Variants in ARID1B observed in about 807,000 individuals in gnomAD.
The protein encoded by ARID1B is AT-rich interaction domain 1B, also known as AT-rich interactive domain-containing protein 1B.
In ARID1B, 30 loss-of-function variants were observed where a neutral mutation model predicts 212.3. That is an observed-to-expected ratio of 0.14 (90% CI 0.11 to 0.19). The LOEUF is 0.19. Ranked by LOEUF, ARID1B falls within the 10% of genes least tolerant of loss-of-function variation. ARID1B has a pLI of 1.00. For synonymous variants in ARID1B, 1,402 were observed against 1,301.7 expected (o/e 1.08, Z -1.66); for missense variants, 2,891 against 3,204.0 (o/e 0.90, Z 2.36).
intron 3 of ARID1B, among the ~76,000 whole-genome samples, chr6:156,911,515 A>T (rs1051977735): frequency 2.0e-5 from 3 of 152,034 alleles, no homozygotes; most frequent in African/African-American, 7.3e-5. Context: ...TGTCCTTGTG[A>T]CAACTAACTA....
chr6:157,089,651 C>G (rs1336093381), intron 5 of ARID1B, among the ~76,000 whole-genome samples: 1 of 152,180 alleles, frequency 6.6e-6, no homozygotes, highest in Non-Finnish European at 1.5e-5. Context: ...ACGCTGTACT[C>G]TCCCTCCAGT....
chr6:157,020,376 A>C lies in ARID1B; in HGVS notation c.2248-64286A>C, dbSNP rs375440616. Reference sequence around the variant, plus strand: ...TAAACATGTCTCAAAACCAAAAACCAGTCCATGGGCAGATCTTTTTATTGC... The same window carrying C: ...TAAACATGTCTCAAAACCAAAAACCCGTCCATGGGCAGATCTTTTTATTGC... On this transcript the variant is annotated intron_variant, in intron 4 of 19. Transcript: ENST00000636930. Among the ~76,000 whole-genome samples the C allele has an allele frequency of 1.8e-4, 27 of 152,364 alleles. No homozygotes were observed. In the South Asian group the frequency reaches 5.6e-3, roughly 32 times the overall value.
intron 2 of ARID1B, among the ~76,000 whole-genome samples, chr6:156,835,932 G>A (rs992305170): frequency 2.2e-4 from 4 of 18,334 alleles, no homozygotes; most frequent in African/African-American, 9.0e-4. Flanking sequence ...TTGTAGAGAC[G>A]TCTCACCATG....
At chr6:157,008,112 TCCTC>T (rs1779356150) in intron 4 of ARID1B, among the ~76,000 whole-genome samples, 1 of 151,812 alleles carries the variant, frequency 6.6e-6, no homozygotes, top group Non-Finnish European at 1.5e-5. Context: ...TTCCCTCTCT[TCCTC>T]CTTCCTTCCC....
chr6:157,025,662 C>T (rs1281422524), intron 4 of ARID1B, among the ~76,000 whole-genome samples: 2 of 152,156 alleles, frequency 1.3e-5, no homozygotes, highest in Non-Finnish European at 2.9e-5. Flanking sequence ...ATTGGTGAGT[C>T]GTTTTCCATT....
intron 4 of ARID1B, among the ~76,000 whole-genome samples, chr6:156,978,178 C>T (rs1777381984): frequency 6.6e-6 from 1 of 152,188 alleles, no homozygotes; most frequent in Non-Finnish European, 1.5e-5. Context: ...AAAACACCAT[C>T]CTCTTATTGA....
intron 5 of ARID1B, among the ~76,000 whole-genome samples, chr6:157,110,164 C>T (rs569128160): frequency 2.6e-5 from 4 of 152,276 alleles, no homozygotes; most frequent in South Asian, 2.1e-4. Flanking sequence ...AGCTCTCCTA[C>T]GTTTTCTTAA....
At chr6:156,834,950 T>C (rs946518543) in intron 2 of ARID1B, among the ~76,000 whole-genome samples, 2 of 152,144 alleles carry the variant, frequency 1.3e-5, no homozygotes, top group Non-Finnish European at 2.9e-5. Context: ...GAAAATATTT[T>C]TGGGCCGGGC....
chr6:156,845,188 C>G (rs1784154285), intron 2 of ARID1B, among the ~76,000 whole-genome samples: 1 of 152,062 alleles, frequency 6.6e-6, no homozygotes, highest in African/African-American at 2.4e-5. Flanking sequence ...GCATGTTGTT[C>G]TTTAAATTTT....
At chr6:157,129,997 C>T (rs967528667) in intron 6 of ARID1B, among the ~76,000 whole-genome samples, 6 of 152,126 alleles carry the variant, frequency 3.9e-5, no homozygotes, top group African/African-American at 9.6e-5. Flanking sequence ...GGTGAAACCC[C>T]GTCTCTACTA....
chr6:157,105,465 G>A (rs767240409), intron 5 of ARID1B, among the ~76,000 whole-genome samples: 17 of 152,062 alleles, frequency 1.1e-4, no homozygotes, highest in Non-Finnish European at 2.5e-4. Context: ...AAAAATTCCA[G>A]GGCAAAGGAT....
intron 2 of ARID1B, among the ~76,000 whole-genome samples, chr6:156,875,065 T>C (rs185952469): frequency 6.6e-6 from 1 of 152,338 alleles, no homozygotes; most frequent in East Asian, 1.9e-4. Context: ...CAGTATTCTT[T>C]GAAAGACCAT....
At chr6:156,919,044 C>T (rs1329620577) in intron 3 of ARID1B, among the ~76,000 whole-genome samples, 1 of 152,110 alleles carries the variant, frequency 6.6e-6, no homozygotes, top group East Asian at 1.9e-4. Context: ...AAAAAAGACC[C>T]ATTGAAGAAT....
intron 2 of ARID1B, among the ~76,000 whole-genome samples, chr6:156,856,773 C>T (rs1288490391): frequency 1.3e-5 from 2 of 151,072 alleles, no homozygotes; most frequent in Non-Finnish European, 2.9e-5. Flanking sequence ...AATGCTTAAG[C>T]CTAGTAAATC....
At chr6:157,111,001 G>A in intron 6 of ARID1B, 1 of 166,182 alleles carries the variant, frequency 6.0e-6, no homozygotes, top group Non-Finnish European at 1.3e-5. Flanking sequence ...GCAAGACCCT[G>A]TCTTAATAAA....
In ARID1B at chr6:157,022,032, A is replaced by C. The variant is rs551141956; in HGVS notation, c.2248-62630A>C. 5.3e-5 allele frequency among the ~76,000 whole-genome samples: 8 copies of C among 152,352 alleles called. 1 individual carries two copies. The South Asian group carries it at 1.7e-3, about 32-fold the overall frequency. On this transcript the variant is annotated intron_variant, in intron 4 of 19. Transcript: ENST00000636930. ...CAAACTTAAAGGCTGGATGAGTTGG[A>C]ACCCGTTCGCGTAATTAAAACGAGT... is the stretch of plus-strand genomic sequence containing the variant.
chr6:157,184,694 G>T, intron 13 of ARID1B: 1 of 546,206 alleles, frequency 1.8e-6, no homozygotes, highest in Non-Finnish European at 3.3e-6. Flanking sequence ...ATCAAAACAG[G>T]CTTTCGAATT....
Position 156,778,927 on chromosome 6 carries a change from G to A in ARID1B, c.1247G>A (p.Gly416Glu). 1 of 1,319,950 alleles carries A rather than the reference G, an allele frequency of 7.6e-7. No homozygotes were observed. Among genetic ancestry groups the A allele is most frequent in the Non-Finnish European group, 9.6e-7 (1 of 1,041,356 alleles). The allele number at this position is 1,319,950 out of a possible 1,614,324, so 81.8% of individuals were successfully genotyped here. The change falls in exon 1 of 20, where the codon GGA becomes GAA. Residue 416 changes from glycine (G) to glutamate (E), a missense_variant. By Grantham distance (98) the Gly-to-Glu change is moderately conservative. Coordinates refer to ENST00000636930, the MANE Select transcript of ARID1B (RefSeq NM_001374828.1). ...GGGGGGAGAG[G>E]AGAGAVAAAA... ...GGAGGAGGAGGAGCAGGAGCAGGAG[G>A]AGCAGGAGCGGGAGCTGTGGCGGCG...
intron 4 of ARID1B, among the ~76,000 whole-genome samples, chr6:157,048,730 T>C (rs1235932367): frequency 6.6e-6 from 1 of 152,244 alleles, no homozygotes; most frequent in East Asian, 1.9e-4. Flanking sequence ...GATCTCATGC[T>C]TCCCTGAATT....
Sources: gnomAD v4.1 joint callset for allele counts (sites outside exome capture counted in the v4.1 genomes callset) on GRCh38, gnomAD v4.1.1 for gene constraint, MANE v1.5 for transcripts, NCBI Gene and HGNC (gene_info 2026-07-23, HGNC 2026-07-21) for gene names.